MACO1: variants seen among roughly 807,000 people sequenced by gnomAD.
MACO1 encodes the protein macoilin 1, also known as macoilin.
MACO1 carries 14 observed loss-of-function variants against 78.7 expected under a neutral mutation model. That is an observed-to-expected ratio of 0.18 (90% CI 0.12 to 0.28). MACO1 has a LOEUF of 0.28. Among genes scored for constraint, MACO1 ranks in the 10% least tolerant of loss-of-function variants. MACO1 has a pLI of 1.00. For synonymous variants in MACO1, 288 were observed against 291.6 expected (o/e 0.99, Z 0.12); for missense variants, 501 against 799.0 (o/e 0.63, Z 4.50).
intron 6 of MACO1, among the ~76,000 whole-genome samples, chr1:25,469,718 C>T (rs1195512719): frequency 6.7e-6 from 1 of 148,942 alleles, no homozygotes; most frequent in East Asian, 2.0e-4. Context: ...CTCACTGCAA[C>T]CTCTGTCTTC....
intron 6 of MACO1, among the ~76,000 whole-genome samples, chr1:25,480,893 G>T (rs1266100480): frequency 1.5e-5 from 2 of 131,502 alleles, no homozygotes; most frequent in African/African-American, 6.0e-5. Flanking sequence ...ATCAGCCTGG[G>T]CAACAGAGTG....
intron 6 of MACO1, among the ~76,000 whole-genome samples, chr1:25,460,165 C>T (rs2043158514): frequency 6.6e-6 from 1 of 152,224 alleles, no homozygotes; most frequent in African/African-American, 2.4e-5. Context: ...TCACAGCCCC[C>T]AGGCTACTTT....
chr1:25,461,065 C>T lies in MACO1; in HGVS notation c.1154+2173C>T, dbSNP rs553621036. On this transcript the variant is annotated intron_variant, in intron 6 of 10. Transcript: ENST00000374343. ...GAAGAGTTCATGTCCTTTGTAGGGA[C>T]ATGGATGAAACTGGAAACCATCATT... Among the ~76,000 whole-genome samples, 9 of 151,926 alleles carry T rather than the reference C, an allele frequency of 5.9e-5. No individual in the cohort carries two copies. In the South Asian group the frequency reaches 1.9e-3, roughly 32 times the overall value.
chr1:25,467,141 C>G (rs1476059473), intron 6 of MACO1, among the ~76,000 whole-genome samples: 1 of 152,066 alleles, frequency 6.6e-6, no homozygotes, highest in Non-Finnish European at 1.5e-5. Context: ...ACCTTTAACC[C>G]CAGCTACTTG....
chr1:25,453,159 C>T (rs2043082940), intron 3 of MACO1, among the ~76,000 whole-genome samples: 1 of 151,434 alleles, frequency 6.6e-6, no homozygotes, highest in Non-Finnish European at 1.5e-5. Flanking sequence ...GCGCCTGCCA[C>T]CACGCCCGGC....
At chr1:25,440,767 C>CAAA (rs71815906) in intron 1 of MACO1, among the ~76,000 whole-genome samples, 2 of 107,136 alleles carry the variant, frequency 1.9e-5, no homozygotes, top group Non-Finnish European at 3.9e-5. Flanking sequence ...GACTCCATCT[C>CAAA]AAAAAAAAAA....
At chr1:25,434,716 C>G (rs1344416178) in intron 1 of MACO1, among the ~76,000 whole-genome samples, 1 of 152,172 alleles carries the variant, frequency 6.6e-6, no homozygotes, top group African/African-American at 2.4e-5. Flanking sequence ...TATGAAAGTA[C>G]TTTAAAAATT....
chr1:25,477,183 G>A (rs545548618), intron 6 of MACO1, among the ~76,000 whole-genome samples: 22 of 152,198 alleles, frequency 1.4e-4, no homozygotes, highest in Non-Finnish European at 2.9e-4. Flanking sequence ...GGTTTTAGAA[G>A]GAGAAGAGAT....
At chr1:25,436,502 C>G (rs1470296807) in intron 1 of MACO1, among the ~76,000 whole-genome samples, 1 of 152,004 alleles carries the variant, frequency 6.6e-6, no homozygotes, top group Non-Finnish European at 1.5e-5. Flanking sequence ...AATTATTTTA[C>G]TTGGCTCTTG....
At chr1:25,474,631 G>A (rs1313629447) in intron 6 of MACO1, among the ~76,000 whole-genome samples, 1 of 152,212 alleles carries the variant, frequency 6.6e-6, no homozygotes, top group East Asian at 1.9e-4. Context: ...GGACAGCCTT[G>A]TGATAAGGGT....
chr1:25,459,544 G>A (rs1339188448), intron 6 of MACO1, among the ~76,000 whole-genome samples: 10 of 148,540 alleles, frequency 6.7e-5, no homozygotes, highest in East Asian at 2.0e-4. Flanking sequence ...GCACGATCTC[G>A]GCTCACTGCA....
At chr1:25,434,957 A>G (rs1425856126) in intron 1 of MACO1, among the ~76,000 whole-genome samples, 1 of 152,168 alleles carries the variant, frequency 6.6e-6, no homozygotes, top group Non-Finnish European at 1.5e-5. Flanking sequence ...ACCCTGCCAT[A>G]CTTTCCACTC....
chr1:25,486,850 A>G lies in MACO1; in HGVS notation c.1496+1055A>G, dbSNP rs1466016007. Among the ~76,000 whole-genome samples, 3 of 152,140 alleles carry G rather than the reference A, an allele frequency of 2.0e-5. No individual in the cohort carries two copies. In the East Asian group the frequency reaches 5.8e-4, roughly 29 times the overall value. On this transcript the variant is annotated intron_variant, in intron 8 of 10. Transcript: ENST00000374343. Reference sequence around the variant, plus strand: ...TACAAGGCCCTTGACTAGCCTGCCTACAATGTGGGATTGTTTGTTTGTTTG... The same window carrying G: ...TACAAGGCCCTTGACTAGCCTGCCTGCAATGTGGGATTGTTTGTTTGTTTG...
At chr1:25,492,480 C>T (rs1285371252) in intron 10 of MACO1, among the ~76,000 whole-genome samples, 1 of 152,030 alleles carries the variant, frequency 6.6e-6, no homozygotes, top group Non-Finnish European at 1.5e-5. Flanking sequence ...GAGGAAAGCA[C>T]TTCCGGGGAG....
chr1:25,450,147 T>C (rs1174517298), intron 3 of MACO1, among the ~76,000 whole-genome samples: 1 of 152,198 alleles, frequency 6.6e-6, no homozygotes, highest in East Asian at 1.9e-4. Flanking sequence ...CCCTTCCACG[T>C]TAACATTTCT....
At chr1:25,466,269 C>T (rs1165999178) in intron 6 of MACO1, among the ~76,000 whole-genome samples, 5 of 152,108 alleles carry the variant, frequency 3.3e-5, no homozygotes, top group Non-Finnish European at 5.9e-5. Context: ...TCCTTGCCAA[C>T]GTGTGTTATT....
intron 2 of MACO1, among the ~76,000 whole-genome samples, chr1:25,447,207 G>A (rs1013946180): frequency 3.0e-5 from 4 of 132,584 alleles, no homozygotes; most frequent in Non-Finnish European, 6.8e-5. Flanking sequence ...CATAAAGGCC[G>A]TTCCTACCTT....
chr1:25,466,766 A>G (rs1436403336), intron 6 of MACO1, among the ~76,000 whole-genome samples: 2 of 152,228 alleles, frequency 1.3e-5, no homozygotes, highest in African/African-American at 4.8e-5. Context: ...AGTGTCTTTT[A>G]TAGAGCAGAA....
In MACO1 at chr1:25,463,800, A is replaced by G. The variant is rs1379985208; in HGVS notation, c.1154+4908A>G. ...TTTGTTGTCTTCTCTTAGGCTAATT[A>G]TATATAGTTGTCATCATAGCATTTT... On this transcript the variant is annotated intron_variant, in intron 6 of 10. Coordinates refer to ENST00000374343, the MANE Select transcript of MACO1 (RefSeq NM_018202.6). Among the ~76,000 whole-genome samples, 5 of 152,340 alleles carry G rather than the reference A, an allele frequency of 3.3e-5. No individual in the cohort carries two copies. The East Asian group carries it at 9.6e-4, about 29-fold the overall frequency.
Sources: allele counts gnomAD v4.1 joint callset (sites outside exome capture counted in the v4.1 genomes callset), GRCh38; gene constraint gnomAD v4.1.1; transcripts MANE v1.5; gene names NCBI Gene and HGNC (gene_info 2026-07-23, HGNC 2026-07-21).